The following APBA2 variants were observed in gnomAD, a reference collection of about 807,000 sequenced individuals.
APBA2 encodes amyloid beta precursor protein binding family A member 2.
APBA2 carries 30 observed loss-of-function variants against 75.0 expected under a neutral mutation model. That is an observed-to-expected ratio of 0.40 (90% CI 0.30 to 0.54). The LOEUF (loss-of-function observed/expected upper bound fraction) is 0.54. Among genes scored for constraint, APBA2 ranks in the 20% least tolerant of loss-of-function variants. APBA2 has a pLI of 0.49. For synonymous variants in APBA2, 444 were observed against 409.6 expected (o/e 1.08, Z -1.01); for missense variants, 801 against 1,016.1 (o/e 0.79, Z 2.88).
chr15:29,098,698 C>T, intron 9 of APBA2, 122 bp downstream of exon 9: 1 of 856,856 alleles, frequency 1.2e-6, no homozygotes, highest in Non-Finnish European at 1.9e-6. Context: ...CCCATCAACC[C>T]AAGGCCCATA....
intron 2 of APBA2, among the ~76,000 whole-genome samples, chr15:28,923,566 G>T (rs1186818075): frequency 6.9e-6 from 1 of 145,554 alleles, no homozygotes; most frequent in African/African-American, 2.5e-5. Flanking sequence ...TGCTGAGTCT[G>T]GGGGAGGTGT....
chr15:28,893,823 C>T (rs1190159688), intron 1 of APBA2: 2 of 152,208 alleles, frequency 1.3e-5, no homozygotes, highest in Non-Finnish European at 1.5e-5. Context: ...CAGTTTTCAG[C>T]TTCTAAATTA....
chr15:29,030,136 C>A (rs1479658215), intron 3 of APBA2, among the ~76,000 whole-genome samples: 1 of 152,180 alleles, frequency 6.6e-6, no homozygotes, highest in Admixed American at 6.5e-5. Context: ...CCATCACCCT[C>A]TGCCCAGAAA....
chr15:28,905,222 T>C (rs542601685), intron 1 of APBA2, among the ~76,000 whole-genome samples: 13 of 152,244 alleles, frequency 8.5e-5, no homozygotes, highest in South Asian at 6.2e-4. Context: ...TTTGTCCTCC[T>C]TTTGCAGAAG....
intron 2 of APBA2, among the ~76,000 whole-genome samples, chr15:28,939,480 T>C (rs2035065344): frequency 6.6e-6 from 1 of 152,212 alleles, no homozygotes; most frequent in African/African-American, 2.4e-5. Flanking sequence ...ATGCCAACAG[T>C]GTACAAGGGC....
chr15:29,089,077 G>A (rs2043429009), intron 6 of APBA2, among the ~76,000 whole-genome samples: 1 of 152,168 alleles, frequency 6.6e-6, no homozygotes, highest in Non-Finnish European at 1.5e-5. Flanking sequence ...CAGGGCCATA[G>A]CCTCCCTTTT....
intron 2 of APBA2, among the ~76,000 whole-genome samples, chr15:28,968,670 G>T (rs1438340109): frequency 1.3e-5 from 2 of 152,132 alleles, no homozygotes; most frequent in South Asian, 2.1e-4. Context: ...AAATTCATTT[G>T]TTGAAGTCTT....
chr15:28,989,984 A>G (rs1002459926), intron 2 of APBA2, among the ~76,000 whole-genome samples: 1 of 152,312 alleles, frequency 6.6e-6, no homozygotes, highest in South Asian at 2.1e-4. Flanking sequence ...AGTATCGAGA[A>G]TCACTGGAGA....
At chr15:28,939,846 C>T (rs922467611) in intron 2 of APBA2, among the ~76,000 whole-genome samples, 18 of 152,104 alleles carry the variant, frequency 1.2e-4, no homozygotes, top group African/African-American at 4.1e-4. Flanking sequence ...GTGCTTCAGA[C>T]GAGTAGATAA....
At chr15:28,993,688 T>C (rs948910274) in intron 2 of APBA2, among the ~76,000 whole-genome samples, 5 of 152,178 alleles carry the variant, frequency 3.3e-5, no homozygotes, top group African/African-American at 1.2e-4. Flanking sequence ...CGGAAGTCAG[T>C]GTGAAGCCTG....
At chr15:28,925,750 C>G (rs1322631001) in intron 2 of APBA2, among the ~76,000 whole-genome samples, 1 of 152,124 alleles carries the variant, frequency 6.6e-6, no homozygotes, top group African/African-American at 2.4e-5. Context: ...CTTGTTCTAT[C>G]AATTACTGAC....
intron 2 of APBA2, among the ~76,000 whole-genome samples, chr15:28,925,633 G>T (rs2034218682): frequency 6.6e-6 from 1 of 152,218 alleles, no homozygotes; most frequent in African/African-American, 2.4e-5. Flanking sequence ...AGCTTGAGAA[G>T]AATGTGTATT....
chr15:29,101,204 A>G (rs2152961952), intron 9 of APBA2, among the ~76,000 whole-genome samples: 1 of 145,898 alleles, frequency 6.9e-6, no homozygotes, highest in East Asian at 2.1e-4. Flanking sequence ...CGAAACCCGA[A>G]TAATTGGAGT....
At chr15:28,984,775 A>C (rs1595647450) in intron 2 of APBA2, among the ~76,000 whole-genome samples, 1 of 131,986 alleles carries the variant, frequency 7.6e-6, no homozygotes, top group African/African-American at 3.0e-5. Flanking sequence ...CCCCACTGCC[A>C]TCTCTGGAGT....
chr15:28,912,498 A>T (rs2033476418), intron 1 of APBA2, among the ~76,000 whole-genome samples: 1 of 152,242 alleles, frequency 6.6e-6, no homozygotes, highest in Non-Finnish European at 1.5e-5. Context: ...AAAAGCCCCA[A>T]GCTCTAGCTG....
intron 3 of APBA2, among the ~76,000 whole-genome samples, chr15:29,004,894 G>T (rs923594251): frequency 7.2e-5 from 11 of 152,244 alleles, no homozygotes; most frequent in Admixed American, 4.6e-4. Flanking sequence ...TGGCCAGGCT[G>T]GTCTCAAACT....
intron 3 of APBA2, among the ~76,000 whole-genome samples, chr15:29,030,205 A>C (rs1177187352): frequency 6.6e-6 from 1 of 152,156 alleles, no homozygotes; most frequent in African/African-American, 2.4e-5. Flanking sequence ...CACGCCTGTA[A>C]TCCCAGCACT....
rs771415168 is a variant in APBA2, at chr15:28,969,126, CTTTTTCTT to C, written c.-94-26625_-94-26618del. On this transcript the variant is annotated intron_variant, in intron 2 of 14. Transcript: ENST00000683413. ...TCTACAAAAACCTTACCTTTCATTT[CTTTTTCTT>C]TCTTTCTTTCTTTCTTTCTTTCTTT... Among the ~76,000 whole-genome samples, 960 of 106,308 alleles carry C rather than the reference CTTTTTCTT, an allele frequency of 9.0e-3. 21 individuals carry two copies. Among genetic ancestry groups the C allele is most frequent in the East Asian group, 0.063 (249 of 3,926 alleles). The allele number at this position is 106,308 out of a possible 152,430, so 69.7% of individuals were successfully genotyped here.
intron 2 of APBA2, among the ~76,000 whole-genome samples, chr15:28,951,415 C>A (rs2035865199): frequency 6.6e-6 from 1 of 152,220 alleles, no homozygotes. Flanking sequence ...GCTATTTCTG[C>A]AAGGATCCCT....
Sources: gnomAD v4.1 joint callset for allele counts (sites outside exome capture counted in the v4.1 genomes callset) on GRCh38, gnomAD v4.1.1 for gene constraint, MANE v1.5 for transcripts, NCBI Gene and HGNC (gene_info 2026-07-23, HGNC 2026-07-21) for gene names.